CSAG3: variants seen among roughly 807,000 people sequenced by gnomAD.
The protein encoded by CSAG3 is CSAG family member 3, also known as chondrosarcoma-associated gene 2/3 protein.
For synonymous variants in CSAG3, 4 were observed against 34.0 expected (o/e 0.12, Z 3.07); for missense variants, 15 against 93.0 (o/e 0.16, Z 3.45).
chrX:152,759,517 T>C, exon 1 of CSAG3: 3 of 1,206,709 alleles, frequency 2.5e-6, no homozygotes, highest in East Asian at 5.9e-5. Flanking sequence ...TGGGGGAGGC[T>C]TGGAGAGACC....
upstream of CSAG3, chrX:152,758,831 C>CTCTG (rs1932604810): frequency 4.7e-5 from 1 of 21,406 alleles, no homozygotes; most frequent in Non-Finnish European, 9.1e-5. Context: ...CTCTCTCTTT[C>CTCTG]TCTCTCTCTC....
chrX:152,759,135 T>C (rs1226854899), upstream of CSAG3: 1 of 266,474 alleles, frequency 3.8e-6, no homozygotes, highest in Admixed American at 5.6e-5. Flanking sequence ...TTTTTTTGTT[T>C]CCTCCTAGAA....
At chrX:152,757,693 A>G (rs1932589408), upstream of CSAG3, among the ~76,000 whole-genome samples, 1 of 38,870 alleles carries the variant, frequency 2.6e-5, no homozygotes, top group African/African-American at 1.8e-4. Context: ...GTGATTATGA[A>G]ATAAGCTATT....
upstream of CSAG3, chrX:152,759,181 T>C (rs1932618774): frequency 3.4e-6 from 1 of 290,100 alleles, no homozygotes; most frequent in African/African-American, 2.7e-5. Context: ...AAGTCTGTAG[T>C]TCATTTTGAG....
chrX:152,758,896 C>T (rs1932612065), upstream of CSAG3: 1 of 83,782 alleles, frequency 1.2e-5, no homozygotes, highest in African/African-American at 4.8e-5. Context: ...TCTCTCTCTG[C>T]ACATGCACAG....
chrX:152,758,805 T>TTCTCTCTC (rs1254146710), upstream of CSAG3: 28 of 56,193 alleles, frequency 5.0e-4, no homozygotes, highest in African/African-American at 1.6e-3. Context: ...TACATGACCT[T>TTCTCTCTC]TCTCTCTCTC....
At chrX:152,758,836 TC>T, upstream of CSAG3, 1 of 47,763 alleles carries the variant, frequency 2.1e-5, no homozygotes, top group Non-Finnish European at 3.9e-5. Context: ...TCTTTCTCTC[TC>T]TCTCTCTCTC....
chrX:152,759,497 T>A (rs1483348854), exon 1 of CSAG3: 1 of 1,203,658 alleles, frequency 8.3e-7, no homozygotes, highest in African/African-American at 1.7e-5. Flanking sequence ...CTGGCCTGCC[T>A]TCACTGTCCT....
chrX:152,758,829 T>TCTTTCTCTCTCTC (rs1932603172), upstream of CSAG3: 20 of 50,640 alleles, frequency 3.9e-4, no homozygotes, highest in African/African-American at 1.2e-3. Context: ...CTCTCTCTCT[T>TCTTTCTCTCTCTC]TCTCTCTCTC....
At chrX:152,760,052 TC>T (rs1932653661) in exon 2 of CSAG3, 4 of 586,702 alleles carry the variant, frequency 6.8e-6, no homozygotes, top group South Asian at 2.7e-5. Flanking sequence ...TTCTCCAGTC[TC>T]TCTTCGGACA....
chrX:152,758,771 G>C (rs1333638663), upstream of CSAG3: 3 of 91,297 alleles, frequency 3.3e-5, no homozygotes, highest in Non-Finnish European at 6.2e-5. Flanking sequence ...AGGGAGAAGA[G>C]ACAGAAGAAA....
At chrX:152,759,158 A>T (rs1489084912), upstream of CSAG3, 2 of 270,980 alleles carry the variant, frequency 7.4e-6, no homozygotes, top group Non-Finnish European at 1.4e-5. Context: ...AAAAAAAGTA[A>T]TTTTGACATT....
At chrX:152,758,766 G>A (rs1246630760), upstream of CSAG3, 1 of 87,421 alleles carries the variant, frequency 1.1e-5, no homozygotes, top group Non-Finnish European at 2.1e-5. Flanking sequence ...TAAGAAGGGA[G>A]AAGAGACAGA....
At chrX:152,758,727 A>G (rs1425781801), upstream of CSAG3, among the ~76,000 whole-genome samples, 2 of 61,927 alleles carry the variant, frequency 3.2e-5, no homozygotes, top group East Asian at 5.3e-4. Flanking sequence ...TAAGGGTGGG[A>G]CCTTGATCCC....
upstream of CSAG3, among the ~76,000 whole-genome samples, chrX:152,757,605 T>TTTTA (rs1556835973): frequency 2.4e-5 from 1 of 42,100 alleles, no homozygotes; most frequent in African/African-American, 1.5e-4. Context: ...CAATGTCTGG[T>TTTTA]TATATATATA....
upstream of CSAG3, among the ~76,000 whole-genome samples, chrX:152,757,622 T>TATAA (rs1932587594): frequency 4.5e-5 from 2 of 44,753 alleles, no homozygotes; most frequent in Non-Finnish European, 7.5e-5. Flanking sequence ...TATATATATA[T>TATAA]ATGTATATAT....
chrX:152,758,482 C>T (rs1293490605), upstream of CSAG3, among the ~76,000 whole-genome samples: 5 of 3,487 alleles, frequency 1.4e-3, no homozygotes, highest in Non-Finnish European at 2.8e-3. Flanking sequence ...CTAATTGTTC[C>T]GACACCTTTT....
upstream of CSAG3, chrX:152,758,829 TTCTCTCTCTCTCTCTCTCTCTCTC>T (rs1170908672): frequency 1.8e-4 from 9 of 50,638 alleles, no homozygotes; most frequent in South Asian, 1.5e-3. Context: ...CTCTCTCTCT[TTCTCTCTCTCTCTCTCTCTCTCTC>T]TCTCTCTCTC....
At chrX:152,758,980 AC>A (rs1482420328), upstream of CSAG3, 4 of 124,920 alleles carry the variant, frequency 3.2e-5, no homozygotes, top group Admixed American at 2.3e-4. Flanking sequence ...CCAGAAGCCA[AC>A]CCCGCCAGTC....
Sources: allele counts gnomAD v4.1 joint callset (sites outside exome capture counted in the v4.1 genomes callset), GRCh38; gene constraint gnomAD v4.1.1; transcripts MANE v1.5; gene names NCBI Gene and HGNC (gene_info 2026-07-23, HGNC 2026-07-21).